LPIN1: variants seen among roughly 807,000 people sequenced by gnomAD.
The protein encoded by LPIN1 is lipin 1.
Under a neutral mutation model 107.5 loss-of-function variants are expected in LPIN1, and 71 were observed. That is an observed-to-expected ratio of 0.66 (90% CI 0.55 to 0.80). The LOEUF (loss-of-function observed/expected upper bound fraction) is 0.80, where lower values mean the gene tolerates loss of function less well. Ranked by LOEUF, LPIN1 falls within the 30% of genes least tolerant of loss-of-function variation. The pLI, the probability that LPIN1 is intolerant of heterozygous loss-of-function variation, is 0.00. For missense variants in LPIN1, 1,043 were observed against 1,160.6 expected (o/e 0.90, Z 1.47); for synonymous variants, 445 against 452.6 (o/e 0.98, Z 0.21).
chr2:11,711,610 G>A (rs1271226274), intron 1 of LPIN1, among the ~76,000 whole-genome samples: 1 of 152,034 alleles, frequency 6.6e-6, no homozygotes, highest in Non-Finnish European at 1.5e-5. Context: ...AGAAACTTCA[G>A]GCATCCTTGA....
At chr2:11,737,250 C>T (rs2148553294) in intron 1 of LPIN1, among the ~76,000 whole-genome samples, 1 of 152,318 alleles carries the variant, frequency 6.6e-6, no homozygotes, top group Admixed American at 6.5e-5. Flanking sequence ...GGATTAAAGA[C>T]TTAAACATAA....
At chr2:11,773,054 C>A (rs1376963772) in intron 4 of LPIN1, among the ~76,000 whole-genome samples, 1 of 152,174 alleles carries the variant, frequency 6.6e-6, no homozygotes, top group Non-Finnish European at 1.5e-5. Context: ...AACATATAGA[C>A]AGATGGCCTC....
chr2:11,800,377 C>A (rs1223359355), intron 14 of LPIN1, among the ~76,000 whole-genome samples: 1 of 152,116 alleles, frequency 6.6e-6, no homozygotes, highest in South Asian at 2.1e-4. Flanking sequence ...TCATGTCTCC[C>A]CAGTATTGGG....
chr2:11,775,618 G>C (rs1672537755), intron 5 of LPIN1, among the ~76,000 whole-genome samples: 1 of 152,212 alleles, frequency 6.6e-6, no homozygotes, highest in East Asian at 1.9e-4. Flanking sequence ...GTTTGATTAA[G>C]CACGAAAGTG....
upstream of LPIN1, chr2:11,746,560 G>C: frequency 5.5e-5 from 28 of 505,400 alleles, no homozygotes; most frequent in Non-Finnish European, 6.9e-5. Context: ...CGCTTGCCCC[G>C]CCCCTGCCCT....
In LPIN1 at chr2:11,758,238, T is replaced by A. The variant is rs549720852; in HGVS notation, c.-9-7295T>A. ...GCTGCCACGACCATGGGTGTGCCAA[T>A]ATCTTTTCGAGACCTGCTTTCAGTT... On this transcript the variant is annotated intron_variant, in intron 1 of 20. Transcript: ENST00000674199. Among the ~76,000 whole-genome samples, 11 of 152,140 alleles carry A rather than the reference T, an allele frequency of 7.2e-5. No homozygotes were observed. The South Asian group carries it at 2.1e-3, about 29-fold the overall frequency.
chr2:11,801,206 G>A (rs1677671747), intron 14 of LPIN1, among the ~76,000 whole-genome samples: 1 of 152,168 alleles, frequency 6.6e-6, no homozygotes, highest in South Asian at 2.1e-4. Context: ...AGATTTCTTA[G>A]AAAACTAAAA....
chr2:11,721,513 C>T (rs1189430655), upstream of LPIN1: 1 of 152,246 alleles, frequency 6.6e-6, no homozygotes, highest in Non-Finnish European at 1.5e-5. Context: ...TCCCCAGTTC[C>T]TCACACCCTG....
At chr2:11,698,199 G>C (rs1662685533) in intron 1 of LPIN1, among the ~76,000 whole-genome samples, 1 of 152,208 alleles carries the variant, frequency 6.6e-6, no homozygotes, top group Non-Finnish European at 1.5e-5. Flanking sequence ...GACTCAGGCT[G>C]TCTGTTCTCC....
intron 17 of LPIN1, among the ~76,000 whole-genome samples, chr2:11,811,526 C>T (rs1037967185): frequency 6.6e-6 from 1 of 152,156 alleles, no homozygotes; most frequent in Admixed American, 6.5e-5. Flanking sequence ...GTGGCATGGC[C>T]CAACTGTGAA....
chr2:11,787,747 C>T (rs544428177), intron 11 of LPIN1, among the ~76,000 whole-genome samples: 3 of 152,086 alleles, frequency 2.0e-5, no homozygotes, highest in African/African-American at 7.2e-5. Flanking sequence ...CGAGACCATC[C>T]TGGCTAACAC....
chr2:11,680,161 T>C (rs942705897), intron 1 of LPIN1, among the ~76,000 whole-genome samples: 1 of 152,076 alleles, frequency 6.6e-6, no homozygotes, highest in Admixed American at 6.5e-5. Context: ...AGGTGGGAGC[T>C]GTGACTGCCC....
intron 7 of LPIN1, among the ~76,000 whole-genome samples, chr2:11,780,919 A>T (rs939572596): frequency 6.6e-6 from 1 of 152,360 alleles, no homozygotes; most frequent in Middle Eastern, 3.4e-3. Flanking sequence ...ACATGTAGGT[A>T]CATAACTGGT....
intron 1 of LPIN1, chr2:11,741,210 C>T (rs528554328): frequency 2.4e-5 from 14 of 584,150 alleles, no homozygotes; most frequent in Non-Finnish European, 4.2e-5. Context: ...TGACCAGGAG[C>T]CCGGGAGTCC....
In LPIN1 at chr2:11,785,043, G is replaced by C. The variant is rs201046262; in HGVS notation, c.1516G>C (p.Gly506Arg). 2.0e-5 allele frequency: 31 copies of C among 1,581,998 alleles called. No homozygotes were observed. The highest frequency in any genetic ancestry group is 2.4e-5 in the Non-Finnish European group (28 of 1,164,118). The change falls in exon 10 of 21, where the codon GGG (glycine) becomes CGG (arginine). Residue 506 changes from glycine (G) to arginine (R), a missense_variant. Coordinates refer to ENST00000674199, the MANE Select transcript of LPIN1 (RefSeq NM_001349206.2). ...CCCTTCCATCGCCATCTCCCTCTGC[G>C]GGGGCCTCAGCGACCACCGGGAGAT... Reference protein sequence around the residue: ...DLPSIAISLCGGLSDHREITK... With the variant: ...DLPSIAISLCRGLSDHREITK...
At chr2:11,814,883 T>C (rs1364469624) in intron 17 of LPIN1, among the ~76,000 whole-genome samples, 1 of 152,168 alleles carries the variant, frequency 6.6e-6, no homozygotes, top group Non-Finnish European at 1.5e-5. Context: ...AAGTGGGGAA[T>C]GCAAAAGCAC....
intron 3 of LPIN1, among the ~76,000 whole-genome samples, chr2:11,770,207 G>A (rs1430653385): frequency 1.3e-5 from 2 of 152,344 alleles, no homozygotes; most frequent in South Asian, 2.1e-4. Flanking sequence ...TTGGGCCAGC[G>A]TGCAGCGGGA....
At chr2:11,701,139 T>C (rs1449996994) in intron 1 of LPIN1, among the ~76,000 whole-genome samples, 2 of 152,176 alleles carry the variant, frequency 1.3e-5, no homozygotes, top group Non-Finnish European at 2.9e-5. Context: ...TGGTCAACTC[T>C]TACCTGAGCT....
chr2:11,717,945 G>A (rs1663863073), intron 2 of LPIN1, among the ~76,000 whole-genome samples: 1 of 152,160 alleles, frequency 6.6e-6, no homozygotes, highest in South Asian at 2.1e-4. Context: ...GTAGTTTCTA[G>A]TTCTTTCCAT....
Sources: gnomAD v4.1 joint callset for allele counts (sites outside exome capture counted in the v4.1 genomes callset) on GRCh38, gnomAD v4.1.1 for gene constraint, MANE v1.5 for transcripts, NCBI Gene and HGNC (gene_info 2026-07-23, HGNC 2026-07-21) for gene names.